The following NAV2 variants were observed in gnomAD, a reference collection of about 807,000 sequenced individuals.
NAV2 encodes the protein helicase, APC down-regulated 1.
NAV2 carries 54 observed loss-of-function variants against 223.2 expected under a neutral mutation model. The observed-to-expected ratio is 0.24, with a 90% CI of 0.19 to 0.30. The LOEUF (loss-of-function observed/expected upper bound fraction) is 0.30, where lower values mean the gene tolerates loss of function less well. Among genes scored for constraint, NAV2 ranks in the 10% least tolerant of loss-of-function variants. The pLI is 1.00. For synonymous variants in NAV2, 1,279 were observed against 1,239.3 expected (o/e 1.03, Z -0.67); for missense variants, 2,806 against 3,147.5 (o/e 0.89, Z 2.60).
intron 1 of NAV2, among the ~76,000 whole-genome samples, chr11:19,544,083 A>G (rs1000218516): frequency 2.0e-5 from 3 of 152,248 alleles, no homozygotes; most frequent in Non-Finnish European, 2.9e-5. Context: ...GTGGTTCTCA[A>G]TACTGTGCCT....
intron 1 of NAV2, among the ~76,000 whole-genome samples, chr11:19,791,150 C>T (rs1283396404): frequency 6.6e-6 from 1 of 152,132 alleles, no homozygotes; most frequent in Non-Finnish European, 1.5e-5. Context: ...ATACCCTTAA[C>T]CATTCTCGGC....
intron 1 of NAV2, among the ~76,000 whole-genome samples, chr11:19,369,599 A>G (rs1848404008): frequency 6.6e-6 from 1 of 152,128 alleles, no homozygotes; most frequent in African/African-American, 2.4e-5. Context: ...TCTTTGAGCT[A>G]GGTGCCCTAG....
chr11:19,443,872 T>C (rs998554885), intron 1 of NAV2, among the ~76,000 whole-genome samples: 5 of 152,248 alleles, frequency 3.3e-5, no homozygotes, highest in African/African-American at 1.2e-4. Context: ...GCACAGAGCC[T>C]AGTATAGATG....
chr11:20,093,043 G>A, intron 28 of NAV2, 56 bp from the exon 29 acceptor site: 6 of 1,317,256 alleles, frequency 4.6e-6, no homozygotes, highest in Non-Finnish European at 6.4e-6. Context: ...GGGGTGTCAG[G>A]AAGCTGGCTT....
At chr11:19,582,578 G>A (rs1384904551) in intron 1 of NAV2, among the ~76,000 whole-genome samples, 16 of 150,934 alleles carry the variant, frequency 1.1e-4, no homozygotes, top group Non-Finnish European at 1.0e-4. Context: ...TCAGCTTTCT[G>A]CATATGGCTA....
At chr11:20,106,155 G>GTGTATATATATATATGTGTGTGTGTATA in intron 35 of NAV2, among the ~76,000 whole-genome samples, 1 of 31,496 alleles carries the variant, frequency 3.2e-5, no homozygotes, top group African/African-American at 6.6e-5. Context: ...GTGTGTGTGT[G>GTGTATATATATATATGTGTGTGTGTATA]TATATATATA....
chr11:19,898,287 A>G (rs7926694), intron 6 of NAV2, among the ~76,000 whole-genome samples: 4,099 of 152,252 alleles, frequency 0.027, 203 homozygotes, highest in African/African-American at 0.095. Flanking sequence ...TCAAAGACAA[A>G]GAACCCTACA....
chr11:19,467,541 G>A (rs928491208), intron 1 of NAV2, among the ~76,000 whole-genome samples: 15 of 152,284 alleles, frequency 9.9e-5, no homozygotes, highest in Admixed American at 2.0e-4. Flanking sequence ...ATCCTGGATG[G>A]ACAGATGTTT....
chr11:19,631,487 A>G (rs1298425362), intron 1 of NAV2, among the ~76,000 whole-genome samples: 1 of 152,192 alleles, frequency 6.6e-6, no homozygotes, highest in African/African-American at 2.4e-5. Flanking sequence ...AAGCACAACA[A>G]GTGTTTTTTT....
intron 2 of NAV2, among the ~76,000 whole-genome samples, chr11:19,841,210 G>C (rs1186748483): frequency 2.0e-5 from 3 of 151,882 alleles, no homozygotes; most frequent in Non-Finnish European, 4.4e-5. Context: ...GTGTAGATTA[G>C]ACTGAATATA....
At chr11:20,020,269 T>C (rs2054385997) in intron 11 of NAV2, among the ~76,000 whole-genome samples, 1 of 152,254 alleles carries the variant, frequency 6.6e-6, no homozygotes, top group African/African-American at 2.4e-5. Flanking sequence ...CATCTTGGTT[T>C]TATAGATGGC....
intron 4 of NAV2, among the ~76,000 whole-genome samples, chr11:19,875,421 A>G (rs766097073): frequency 1.3e-5 from 2 of 152,192 alleles, no homozygotes; most frequent in Non-Finnish European, 2.9e-5. Flanking sequence ...ACCATACCAA[A>G]AGTGAAAAAC....
In NAV2 at chr11:20,097,719, A is replaced by G. The variant is rs766472340; in HGVS notation, c.6155A>G (p.Asn2052Ser). 52 of 1,604,574 alleles carry G rather than the reference A, an allele frequency of 3.2e-5. No homozygotes were observed. Among genetic ancestry groups the G allele is most frequent in the Non-Finnish European group, 4.2e-5 (50 of 1,177,472 alleles). Residue 2052 changes from asparagine (N) to serine (S), a missense_variant, in exon 31 of 38, where the codon AAC becomes AGC. By Grantham distance (46) the Asn-to-Ser change is conservative. This residue lies in a region of NAV2 where 824 missense variants were observed against 1,069.4 expected (regional missense o/e 0.77). Coordinates refer to ENST00000349880, the MANE Select transcript of NAV2 (RefSeq NM_145117.5). ...LLPCGYLVGE[N>S]TTISVTVKGL... ...CCTTGTGGCTATCTGGTTGGAGAGA[A>G]CACGACCATCTCAGTGACTGTGAAA...
chr11:19,958,687 C>T (rs2048098735), intron 10 of NAV2, among the ~76,000 whole-genome samples: 2 of 152,220 alleles, frequency 1.3e-5, no homozygotes, highest in Admixed American at 1.3e-4. Flanking sequence ...GCAGGGTTCG[C>T]TACCATATTG....
chr11:19,360,511 G>T (rs12272846), intron 1 of NAV2, among the ~76,000 whole-genome samples: 2,797 of 152,270 alleles, frequency 0.018, 56 homozygotes, highest in South Asian at 0.057. Flanking sequence ...TTTAACAAGT[G>T]TCAGAAATAT....
intron 10 of NAV2, among the ~76,000 whole-genome samples, chr11:19,982,780 CT>C (rs1211768951): frequency 6.6e-6 from 1 of 152,128 alleles, no homozygotes; most frequent in African/African-American, 2.4e-5. Context: ...CTTGAACTTC[CT>C]GGTCTGGGCA....
At chr11:19,536,715 A>G (rs79647318) in intron 1 of NAV2, among the ~76,000 whole-genome samples, 11,271 of 152,222 alleles carry the variant, frequency 0.074, 1,421 homozygotes, top group African/African-American at 0.26. Context: ...CAAATGTGGT[A>G]TCTCTCCTCC....
At chr11:19,462,829 C>T (rs538574989) in intron 1 of NAV2, among the ~76,000 whole-genome samples, 4 of 152,296 alleles carry the variant, frequency 2.6e-5, no homozygotes, top group South Asian at 2.1e-4. Context: ...AGTCTTGATA[C>T]GTGCGTGCTA....
intron 1 of NAV2, among the ~76,000 whole-genome samples, chr11:19,512,407 G>A (rs1325754873): frequency 3.9e-5 from 6 of 152,210 alleles, no homozygotes; most frequent in Non-Finnish European, 7.3e-5. Context: ...GGCAGTAATG[G>A]TAAATGCCTC....
Sources: gnomAD v4.1 joint callset for allele counts (sites outside exome capture counted in the v4.1 genomes callset) on GRCh38, gnomAD v4.1.1 for gene constraint, gnomAD v4.1.1 regional missense constraint, MANE v1.5 for transcripts, NCBI Gene and HGNC (gene_info 2026-07-23, HGNC 2026-07-21) for gene names.